Variants in MED13L observed in about 807,000 individuals in gnomAD.
MED13L encodes mediator of RNA polymerase II transcription subunit 13-like.
MED13L carries 7 observed loss-of-function variants against 220.9 expected under a neutral mutation model. The observed-to-expected ratio is 0.03, with a 90% CI of 0.02 to 0.06. MED13L has a LOEUF of 0.06. Ranked by LOEUF, MED13L falls within the 10% of genes least tolerant of loss-of-function variation. The probability of loss-of-function intolerance (pLI) is 1.00; values close to 1 mark genes in which losing one functional copy is unlikely to be tolerated. For synonymous variants in MED13L, 1,011 were observed against 1,015.2 expected (o/e 1.00, Z 0.08); for missense variants, 1,965 against 2,760.5 (o/e 0.71, Z 6.46).
At chr12:116,086,999 G>A (rs1871751882) in intron 4 of MED13L, among the ~76,000 whole-genome samples, 1 of 152,114 alleles carries the variant, frequency 6.6e-6, no homozygotes, top group Non-Finnish European at 1.5e-5. Flanking sequence ...TTGCCATTAT[G>A]TAGAAAGATT....
chr12:116,088,146 T>C (rs1871875374), intron 4 of MED13L, among the ~76,000 whole-genome samples: 1 of 152,110 alleles, frequency 6.6e-6, no homozygotes, highest in African/African-American at 2.4e-5. Flanking sequence ...ATCACAGTTG[T>C]CCACCTACCC....
chr12:116,107,429 A>G (rs1873679430), intron 3 of MED13L, among the ~76,000 whole-genome samples: 1 of 152,252 alleles, frequency 6.6e-6, no homozygotes, highest in Non-Finnish European at 1.5e-5. Context: ...CAGCATCAAT[A>G]TAAGATTACC....
chr12:116,196,480 A>G (rs560535849), intron 2 of MED13L, among the ~76,000 whole-genome samples: 2 of 152,282 alleles, frequency 1.3e-5, no homozygotes, highest in African/African-American at 2.4e-5. Context: ...GACACATGAG[A>G]TAAGAGTGCT....
intron 28 of MED13L, among the ~76,000 whole-genome samples, chr12:115,968,701 T>C (rs902394397): frequency 1.3e-5 from 2 of 152,246 alleles, no homozygotes; most frequent in Non-Finnish European, 2.9e-5. Flanking sequence ...CCCTTGCATC[T>C]GTAATAGGAC....
At chr12:115,975,368 T>C (rs1224134657) in intron 24 of MED13L, 55 bp from the exon 25 acceptor site, 12 of 1,613,042 alleles carry the variant, frequency 7.4e-6, no homozygotes, top group Admixed American at 1.7e-5. Context: ...ATCAGAGTTA[T>C]TTATCACTTA....
intron 2 of MED13L, among the ~76,000 whole-genome samples, chr12:116,203,894 T>G (rs1882157264): frequency 6.6e-6 from 1 of 152,230 alleles, no homozygotes; most frequent in African/African-American, 2.4e-5. Context: ...ATTGAATCAG[T>G]TAACTATATG....
At chr12:116,133,663 T>C (rs1470449865) in intron 2 of MED13L, among the ~76,000 whole-genome samples, 1 of 152,208 alleles carries the variant, frequency 6.6e-6, no homozygotes, top group Admixed American at 6.5e-5. Context: ...TATCAAGTGA[T>C]AGGATCAATA....
chr12:116,188,132 A>T (rs1343020860), intron 2 of MED13L, among the ~76,000 whole-genome samples: 3 of 123,170 alleles, frequency 2.4e-5, no homozygotes, highest in African/African-American at 8.3e-5. Flanking sequence ...CAAATTATTA[A>T]AAAAAAAAAT....
chr12:116,253,640 T>C (rs192358327), intron 1 of MED13L, among the ~76,000 whole-genome samples: 19 of 151,926 alleles, frequency 1.3e-4, no homozygotes, highest in African/African-American at 4.3e-4. Context: ...GTTCAACATT[T>C]AGAAACCCAT....
intron 3 of MED13L, among the ~76,000 whole-genome samples, chr12:116,102,819 T>C (rs1251821359): frequency 1.4e-5 from 2 of 147,294 alleles, no homozygotes; most frequent in African/African-American, 2.5e-5. Flanking sequence ...CCTCCCAGGT[T>C]CAAGCGATTC....
chr12:116,016,251 T>G (rs1419472284), intron 7 of MED13L, among the ~76,000 whole-genome samples: 1 of 152,022 alleles, frequency 6.6e-6, no homozygotes, highest in Non-Finnish European at 1.5e-5. Context: ...ATTCTTATTA[T>G]CAATGAAAGA....
At chr12:116,120,213 C>T (rs1484637161) in intron 2 of MED13L, among the ~76,000 whole-genome samples, 1 of 151,944 alleles carries the variant, frequency 6.6e-6, no homozygotes, top group African/African-American at 2.4e-5. Flanking sequence ...CACCCATGCT[C>T]TTTCCCCTAC....
At chr12:116,269,424 C>G (rs1271277600) in intron 1 of MED13L, among the ~76,000 whole-genome samples, 4 of 150,396 alleles carry the variant, frequency 2.7e-5, no homozygotes, top group African/African-American at 4.9e-5. Context: ...TCCCCGCCCC[C>G]CCAATCTACT....
intron 1 of MED13L, among the ~76,000 whole-genome samples, chr12:116,256,491 T>A (rs962264871): frequency 6.6e-6 from 1 of 152,094 alleles, no homozygotes; most frequent in African/African-American, 2.4e-5. Flanking sequence ...TGAACTTTTT[T>A]GCATCATAAA....
intron 2 of MED13L, among the ~76,000 whole-genome samples, chr12:116,114,954 C>T (rs764430566): frequency 1.3e-5 from 2 of 152,032 alleles, no homozygotes; most frequent in Non-Finnish European, 2.9e-5. Flanking sequence ...AAATTGACCA[C>T]AAAATAGAAA....
chr12:116,115,535 T>C (rs1050808773), intron 2 of MED13L, among the ~76,000 whole-genome samples: 11 of 151,638 alleles, frequency 7.3e-5, no homozygotes, highest in African/African-American at 2.7e-4. Context: ...CTTCAAAAAA[T>C]ATGGGAAAGT....
intron 4 of MED13L, among the ~76,000 whole-genome samples, chr12:116,075,338 A>C (rs1394143188): frequency 1.3e-5 from 2 of 152,156 alleles, no homozygotes; most frequent in Non-Finnish European, 2.9e-5. Flanking sequence ...TAATCTCACA[A>C]GGCTACTGTG....
intron 4 of MED13L, among the ~76,000 whole-genome samples, chr12:116,028,831 C>T (rs1880554386): frequency 6.6e-6 from 1 of 152,142 alleles, no homozygotes; most frequent in South Asian, 2.1e-4. Flanking sequence ...AGGTCTGATT[C>T]AAGTAATTCT....
rs113058014 is a variant in MED13L at position 115,969,577 on chromosome 12, CTCTTT to C, written c.6068-485_6068-481del. Among the ~76,000 whole-genome samples the C allele has an allele frequency of 8.3e-3, 1,247 of 149,846 alleles. 23 individuals are homozygous for C. Among genetic ancestry groups the C allele is most frequent in the African/African-American group, 0.029 (1,177 of 41,242 alleles). ...AGCAAATCAAAGCACAATGTTTTCT[CTCTTT>C]TTTTTTTTTTGAGATGGAGTCTCCC... On this transcript the variant is annotated intron_variant, in intron 27 of 30. Coordinates refer to ENST00000281928, the MANE Select transcript of MED13L (RefSeq NM_015335.5).
Sources: gnomAD v4.1 joint callset for allele counts (sites outside exome capture counted in the v4.1 genomes callset) on GRCh38, gnomAD v4.1.1 for gene constraint, MANE v1.5 for transcripts, NCBI Gene and HGNC (gene_info 2026-07-23, HGNC 2026-07-21) for gene names.